Variants in SH3RF3 observed in about 807,000 individuals in gnomAD.
SH3RF3 encodes the protein E3 ubiquitin-protein ligase SH3RF3.
A neutral mutation model predicts 66.3 loss-of-function variants in SH3RF3; 29 were observed. The ratio of observed to expected loss-of-function variants is 0.44; its 90% confidence interval spans 0.33 to 0.60. SH3RF3 has a LOEUF of 0.60. Ranked by LOEUF, SH3RF3 falls within the 20% of genes least tolerant of loss-of-function variation. The pLI is 0.04. For missense variants in SH3RF3, 1,194 were observed against 1,190.9 expected (o/e 1.00, Z -0.04); for synonymous variants, 583 against 532.0 (o/e 1.10, Z -1.32).
chr2:109,312,629 C>T (rs967764278), intron 1 of SH3RF3, among the ~76,000 whole-genome samples: 1 of 152,206 alleles, frequency 6.6e-6, no homozygotes, highest in Middle Eastern at 3.2e-3. Flanking sequence ...TCATCCGATA[C>T]ATGGCCCTTT....
chr2:109,380,261 T>C (rs1044033949), intron 3 of SH3RF3, among the ~76,000 whole-genome samples: 11 of 152,334 alleles, frequency 7.2e-5, no homozygotes, highest in African/African-American at 2.2e-4. Flanking sequence ...TAACATCTTA[T>C]AATAGAATAT....
intron 1 of SH3RF3, among the ~76,000 whole-genome samples, chr2:109,322,234 C>T (rs1351920366): frequency 2.6e-5 from 4 of 152,196 alleles, no homozygotes; most frequent in African/African-American, 7.2e-5. Context: ...CTCCTTCTCC[C>T]TTCTTGCTGG....
At chr2:109,324,972 A>G (rs770681202) in intron 1 of SH3RF3, among the ~76,000 whole-genome samples, 2 of 152,138 alleles carry the variant, frequency 1.3e-5, no homozygotes, top group Non-Finnish European at 2.9e-5. Context: ...ACAATCACAC[A>G]GTTTTGGCAA....
intron 2 of SH3RF3, among the ~76,000 whole-genome samples, chr2:109,364,631 A>G (rs1193304127): frequency 6.6e-6 from 1 of 152,208 alleles, no homozygotes; most frequent in African/African-American, 2.4e-5. Context: ...CAAATGTTCT[A>G]TAGTCCTGGG....
intron 1 of SH3RF3, among the ~76,000 whole-genome samples, chr2:109,304,521 G>A (rs543176495): frequency 6.6e-6 from 1 of 152,136 alleles, no homozygotes; most frequent in East Asian, 1.9e-4. Context: ...CAACCCCAGG[G>A]TGTCAGTGAT....
intron 1 of SH3RF3, among the ~76,000 whole-genome samples, chr2:109,269,236 C>T (rs1186322219): frequency 6.6e-6 from 1 of 152,178 alleles, no homozygotes; most frequent in Non-Finnish European, 1.5e-5. Flanking sequence ...GAGCCAGATT[C>T]CCAAGTTCTC....
intron 1 of SH3RF3, among the ~76,000 whole-genome samples, chr2:109,159,373 G>T (rs910435127): frequency 6.6e-6 from 1 of 152,246 alleles, no homozygotes; most frequent in Non-Finnish European, 1.5e-5. Flanking sequence ...GGGTGTATGC[G>T]TGCAGAAGGG....
intron 1 of SH3RF3, among the ~76,000 whole-genome samples, chr2:109,160,247 G>A (rs1415344591): frequency 6.6e-6 from 1 of 152,202 alleles, no homozygotes; most frequent in African/African-American, 2.4e-5. Flanking sequence ...GCTGAGCAGG[G>A]TGACCCATGG....
intron 1 of SH3RF3, among the ~76,000 whole-genome samples, chr2:109,160,505 C>T (rs1300022557): frequency 1.3e-5 from 2 of 152,196 alleles, no homozygotes; most frequent in Non-Finnish European, 2.9e-5. Flanking sequence ...GCAGGGAGAA[C>T]GTGTGAGGAC....
At chr2:109,461,099 AC>A (rs1176869067) in intron 8 of SH3RF3, among the ~76,000 whole-genome samples, 1 of 152,262 alleles carries the variant, frequency 6.6e-6, no homozygotes, top group African/African-American at 2.4e-5. Flanking sequence ...ATTTTAGGCC[AC>A]TTCCTCATGT....
chr2:109,267,164 C>T (rs542247823), intron 1 of SH3RF3, among the ~76,000 whole-genome samples: 4 of 152,074 alleles, frequency 2.6e-5, no homozygotes, highest in Non-Finnish European at 2.9e-5. Flanking sequence ...TGCTTCCGAT[C>T]GGTGATTTCC....
chr2:109,495,244 C>T (rs905681463), intron 9 of SH3RF3, among the ~76,000 whole-genome samples: 2 of 152,230 alleles, frequency 1.3e-5, no homozygotes, highest in Non-Finnish European at 2.9e-5. Flanking sequence ...AGCAAATGCA[C>T]ATGGCATCAG....
At chr2:109,392,883 CTCTTGGAATG>C (rs1224389733) in intron 3 of SH3RF3, among the ~76,000 whole-genome samples, 1 of 152,190 alleles carries the variant, frequency 6.6e-6, no homozygotes, top group Admixed American at 6.5e-5. Flanking sequence ...TCCTTAAAGG[CTCTTGGAATG>C]TTCCACACAC....
intron 3 of SH3RF3, among the ~76,000 whole-genome samples, chr2:109,372,900 T>C (rs574325194): frequency 6.6e-6 from 1 of 152,328 alleles, no homozygotes; most frequent in African/African-American, 2.4e-5. Flanking sequence ...AAGATGTTTG[T>C]TTAAAACATC....
chr2:109,489,855 A>G (rs1203059675), intron 8 of SH3RF3, among the ~76,000 whole-genome samples: 1 of 152,114 alleles, frequency 6.6e-6, no homozygotes, highest in Non-Finnish European at 1.5e-5. Context: ...CTCCCACCTC[A>G]GGCTCCTGAG....
At chr2:109,394,199 G>T (rs532014943) in intron 3 of SH3RF3, among the ~76,000 whole-genome samples, 1 of 152,350 alleles carries the variant, frequency 6.6e-6, no homozygotes, top group South Asian at 2.1e-4. Flanking sequence ...AAGTGGTTGT[G>T]GAAGAAAATC....
intron 1 of SH3RF3, among the ~76,000 whole-genome samples, chr2:109,290,528 C>T (rs995650055): frequency 6.6e-6 from 1 of 152,250 alleles, no homozygotes; most frequent in Non-Finnish European, 1.5e-5. Context: ...ACATATTATG[C>T]CTAGCTAGGC....
chr2:109,328,181 A>G lies in SH3RF3; in HGVS notation c.574-19493A>G, dbSNP rs1485704661. 2.0e-5 allele frequency among the ~76,000 whole-genome samples: 3 copies of G among 152,364 alleles called. No individual in the cohort carries two copies. The East Asian group carries it at 5.8e-4, about 29-fold the overall frequency. ...TCAGAATTAACAGTAGTTGCCTGAT[A>G]TTAGTCCATGTGTGGATTTCCCTCA... On this transcript the variant is annotated intron_variant, in intron 1 of 9. Coordinates refer to ENST00000309415, the MANE Select transcript of SH3RF3 (RefSeq NM_001099289.3).
intron 1 of SH3RF3, 47 bp from the exon 2 acceptor site, chr2:109,347,627 T>C (rs966593269): frequency 1.6e-5 from 26 of 1,590,054 alleles, no homozygotes; most frequent in Non-Finnish European, 2.2e-5. Context: ...CTGTGGGGCA[T>C]TGGGAAGGGG....
Sources: gnomAD v4.1 joint callset for allele counts (sites outside exome capture counted in the v4.1 genomes callset) on GRCh38, gnomAD v4.1.1 for gene constraint, MANE v1.5 for transcripts, NCBI Gene and HGNC (gene_info 2026-07-23, HGNC 2026-07-21) for gene names.